Variants in GPC6 observed in about 807,000 individuals in gnomAD.
The protein encoded by GPC6 is glypican 6.
Under a neutral mutation model 55.2 loss-of-function variants are expected in GPC6, and 14 were observed. That is an observed-to-expected ratio of 0.25 (90% CI 0.17 to 0.40). GPC6 has a LOEUF of 0.40. Ranked by LOEUF, GPC6 falls within the 10% of genes least tolerant of loss-of-function variation. The pLI is 1.00. For missense variants in GPC6, 641 were observed against 708.5 expected (o/e 0.90, Z 1.08); for synonymous variants, 278 against 259.6 (o/e 1.07, Z -0.68).
chr13:93,988,801 A>G (rs1881158198), intron 3 of GPC6, among the ~76,000 whole-genome samples: 3 of 152,194 alleles, frequency 2.0e-5, no homozygotes, highest in Admixed American at 2.0e-4. Context: ...ACCTGTAGCA[A>G]TAACATGTAT....
In GPC6 at chr13:94,381,831, G is replaced by A. The variant is rs569603791; in HGVS notation, c.1153-583G>A. Among the ~76,000 whole-genome samples, 10 of 152,258 alleles carry A rather than the reference G, an allele frequency of 6.6e-5. No homozygotes were observed. The South Asian group carries it at 1.0e-3, about 16-fold the overall frequency. On this transcript the variant is annotated intron_variant, in intron 6 of 8. Transcript: ENST00000377047. ...AGGGCTGTGAATTTTACACTTACCC[G>A]TATTTAGAATGACTTCTCTTTCAGT...
intron 1 of GPC6, among the ~76,000 whole-genome samples, chr13:93,253,964 A>G (rs1013526964): frequency 6.6e-6 from 1 of 152,214 alleles, no homozygotes; most frequent in East Asian, 1.9e-4. Flanking sequence ...GTGGGTTTAA[A>G]TGGTGATCAT....
At position 93,289,365 on chromosome 13, in the gene GPC6, G is replaced by T. The variant is rs74461989; in HGVS notation, c.160+61749G>T. Among the ~76,000 whole-genome samples the T allele has an allele frequency of 1.9e-4, 29 of 152,176 alleles. No homozygotes were observed. In the East Asian group the frequency reaches 5.4e-3, roughly 28 times the overall value. On this transcript the variant is annotated intron_variant, in intron 1 of 8. Coordinates refer to ENST00000377047, the MANE Select transcript of GPC6 (RefSeq NM_005708.5). The stretch of plus-strand genomic sequence containing the variant: ...GGCTCAAAAGACTTTCAAAACGTGA[G>T]AATAGAGATAGATATTCTGGAAATA...
intron 1 of GPC6, among the ~76,000 whole-genome samples, chr13:93,418,781 T>C (rs1876807584): frequency 6.6e-6 from 1 of 151,546 alleles, no homozygotes. Flanking sequence ...AATGGCACTA[T>C]ACCATAGCAT....
intron 1 of GPC6, among the ~76,000 whole-genome samples, chr13:93,529,200 A>G (rs887044914): frequency 1.3e-5 from 2 of 152,186 alleles, no homozygotes; most frequent in Non-Finnish European, 2.9e-5. Context: ...CGCTGATGCT[A>G]ACTGATGTTA....
intron 1 of GPC6, among the ~76,000 whole-genome samples, chr13:93,271,620 G>C (rs1322881881): frequency 2.0e-5 from 3 of 152,126 alleles, no homozygotes; most frequent in Non-Finnish European, 1.5e-5. Flanking sequence ...TAGAATTCTT[G>C]AGGACGATCA....
At chr13:93,784,319 G>T (rs1247378634) in intron 2 of GPC6, among the ~76,000 whole-genome samples, 2 of 152,166 alleles carry the variant, frequency 1.3e-5, no homozygotes, top group Non-Finnish European at 2.9e-5. Context: ...GTAGTTACTG[G>T]ATCAGAACAA....
At chr13:93,969,604 T>A (rs1880194941) in intron 3 of GPC6, among the ~76,000 whole-genome samples, 1 of 152,162 alleles carries the variant, frequency 6.6e-6, no homozygotes, top group Non-Finnish European at 1.5e-5. Flanking sequence ...CTTTTTTTTT[T>A]ACACTGTTTA....
chr13:94,388,180 T>C (rs940058876), intron 7 of GPC6, among the ~76,000 whole-genome samples: 1 of 152,246 alleles, frequency 6.6e-6, no homozygotes, highest in Non-Finnish European at 1.5e-5. Flanking sequence ...TCTGGTGTTT[T>C]AAATGTCCCT....
chr13:93,354,599 C>T (rs1008750734), intron 1 of GPC6, among the ~76,000 whole-genome samples: 1 of 150,408 alleles, frequency 6.6e-6, no homozygotes, highest in Non-Finnish European at 1.5e-5. Context: ...CTCCTGACCT[C>T]GTGATCCGCC....
At chr13:94,329,972 G>T (rs139177743) in intron 6 of GPC6, among the ~76,000 whole-genome samples, 2 of 152,246 alleles carry the variant, frequency 1.3e-5, no homozygotes, top group East Asian at 3.9e-4. Context: ...AAGGTACTGC[G>T]CATTGCTGAA....
At chr13:94,331,967 A>G (rs188102794) in intron 6 of GPC6, among the ~76,000 whole-genome samples, 52 of 152,272 alleles carry the variant, frequency 3.4e-4, no homozygotes, top group African/African-American at 1.1e-3. Flanking sequence ...GGAGAAATCT[A>G]AAGTCATGTA....
At chr13:94,205,986 G>A (rs568392078) in intron 4 of GPC6, among the ~76,000 whole-genome samples, 1 of 152,028 alleles carries the variant, frequency 6.6e-6, no homozygotes, top group Non-Finnish European at 1.5e-5. Flanking sequence ...GTTGGTAGGG[G>A]CCAAACATGC....
intron 2 of GPC6, among the ~76,000 whole-genome samples, chr13:93,592,512 G>A (rs1877538948): frequency 1.3e-5 from 2 of 150,518 alleles, no homozygotes; most frequent in Admixed American, 1.3e-4. Flanking sequence ...GCCTCCCAAA[G>A]TGCTGGGATT....
intron 6 of GPC6, among the ~76,000 whole-genome samples, chr13:94,355,253 C>A (rs1878738309): frequency 6.6e-6 from 1 of 152,052 alleles, no homozygotes; most frequent in South Asian, 2.1e-4. Flanking sequence ...AAACTCCTGA[C>A]CTCAAATGAT....
intron 6 of GPC6, among the ~76,000 whole-genome samples, chr13:94,318,081 T>G (rs542294552): frequency 3.9e-5 from 6 of 152,250 alleles, no homozygotes; most frequent in African/African-American, 1.4e-4. Context: ...TTCCAATAGC[T>G]CCTAATGGCA....
Position 93,410,320 on chromosome 13 carries a change from C to T in GPC6, c.161-134943C>T, listed in dbSNP as rs544935855. On this transcript the variant is annotated intron_variant, in intron 1 of 8. Transcript: ENST00000377047. ...AAATAAAAAGATGTTTCAGAAAGCA[C>T]TTTCTATCAGTATTCATTTATCATT... is the stretch of plus-strand genomic sequence containing the variant. Among the ~76,000 whole-genome samples the T allele has an allele frequency of 2.6e-5, 4 of 152,226 alleles. No homozygotes were observed. In the South Asian group the frequency reaches 6.2e-4, roughly 24 times the overall value.
chr13:93,460,553 A>G (rs950533141), intron 1 of GPC6, among the ~76,000 whole-genome samples: 1 of 152,200 alleles, frequency 6.6e-6, no homozygotes, highest in African/African-American at 2.4e-5. Context: ...ATATCATAAC[A>G]TAGCACTAAT....
chr13:94,346,717 C>T (rs1878308883), intron 6 of GPC6, among the ~76,000 whole-genome samples: 1 of 125,734 alleles, frequency 8.0e-6, no homozygotes, highest in Admixed American at 8.2e-5. Flanking sequence ...CAAGACTCCT[C>T]TCAAAAAAAA....
Sources: allele counts gnomAD v4.1 joint callset (sites outside exome capture counted in the v4.1 genomes callset), GRCh38; gene constraint gnomAD v4.1.1; transcripts MANE v1.5; gene names NCBI Gene and HGNC (gene_info 2026-07-23, HGNC 2026-07-21).